MYO3B: variants seen among roughly 807,000 people sequenced by gnomAD.
The protein encoded by MYO3B is myosin IIIB, also known as myosin-IIIb.
In MYO3B, 156 loss-of-function variants were observed where a neutral mutation model predicts 174.6. The observed-to-expected ratio is 0.89, with a 90% confidence interval of 0.78 to 1.02. The LOEUF (loss-of-function observed/expected upper bound fraction) is 1.02, where lower values mean the gene tolerates loss of function less well. Ranked by LOEUF, MYO3B falls within the 50% of genes least tolerant of loss-of-function variation. MYO3B has a pLI of 0.00. For missense variants in MYO3B, 1,632 were observed against 1,639.4 expected (o/e 1.00, Z 0.08); for synonymous variants, 563 against 569.1 (o/e 0.99, Z 0.15).
chr2:170,247,134 C>T (rs916589695), intron 7 of MYO3B, among the ~76,000 whole-genome samples: 2 of 152,168 alleles, frequency 1.3e-5, no homozygotes, highest in African/African-American at 2.4e-5. Flanking sequence ...GGGAGCTCTA[C>T]GTTTCTTCTC....
At chr2:170,467,542 C>T (rs1473577181) in intron 25 of MYO3B, among the ~76,000 whole-genome samples, 1 of 151,774 alleles carries the variant, frequency 6.6e-6, no homozygotes, top group Non-Finnish European at 1.5e-5. Flanking sequence ...AAAAAAAACA[C>T]CCCTGAGAAG....
chr2:170,595,979 T>C (rs12469798), intron 32 of MYO3B, among the ~76,000 whole-genome samples: 46,785 of 152,084 alleles, frequency 0.31, 8,456 homozygotes, highest in East Asian at 0.51. Flanking sequence ...CCAGGTGTTT[T>C]CAACATTTTC....
At chr2:170,216,556 A>T (rs2092830711) in intron 5 of MYO3B, among the ~76,000 whole-genome samples, 1 of 152,220 alleles carries the variant, frequency 6.6e-6, no homozygotes, top group South Asian at 2.1e-4. Flanking sequence ...TGGTTAAAGG[A>T]CATTGGAGTT....
chr2:170,183,487 G>T (rs1297864152), intron 1 of MYO3B, among the ~76,000 whole-genome samples: 3 of 151,802 alleles, frequency 2.0e-5, no homozygotes, highest in African/African-American at 7.3e-5. Flanking sequence ...TTTCTTTCTG[G>T]CTGATTACTT....
intron 32 of MYO3B, among the ~76,000 whole-genome samples, chr2:170,577,104 C>T (rs1339000328): frequency 8.3e-6 from 1 of 120,184 alleles, no homozygotes; most frequent in African/African-American, 2.8e-5. Flanking sequence ...TTCAGTGGAA[C>T]CATTGTTGCA....
At chr2:170,238,360 CTCTT>C (rs756081442) in intron 7 of MYO3B, among the ~76,000 whole-genome samples, 2 of 152,198 alleles carry the variant, frequency 1.3e-5, no homozygotes, top group Non-Finnish European at 2.9e-5. Flanking sequence ...CTGTCTGTCT[CTCTT>C]TCTCTCTCTC....
chr2:170,360,086 C>A (rs929523887), intron 8 of MYO3B, among the ~76,000 whole-genome samples: 2 of 152,108 alleles, frequency 1.3e-5, no homozygotes, highest in African/African-American at 4.8e-5. Flanking sequence ...TAGCCCCAAC[C>A]CCAGTTCTGG....
intron 7 of MYO3B, among the ~76,000 whole-genome samples, chr2:170,291,239 A>T (rs1311354093): frequency 6.6e-6 from 1 of 152,196 alleles, no homozygotes; most frequent in Non-Finnish European, 1.5e-5. Flanking sequence ...AACAACAGTG[A>T]GACTCCATTT....
At chr2:170,516,276 C>A (rs780195576) in intron 29 of MYO3B, among the ~76,000 whole-genome samples, 10 of 152,056 alleles carry the variant, frequency 6.6e-5, no homozygotes, top group Admixed American at 3.9e-4. Context: ...GCAACACCTC[C>A]TAATGGTGTT....
intron 32 of MYO3B, among the ~76,000 whole-genome samples, chr2:170,633,135 TC>T (rs1697161560): frequency 6.6e-6 from 1 of 152,186 alleles, no homozygotes; most frequent in African/African-American, 2.4e-5. Context: ...GCCAGCATCA[TC>T]CTGATACCAA....
chr2:170,453,285 G>A (rs1450489714), intron 23 of MYO3B, among the ~76,000 whole-genome samples: 1 of 152,118 alleles, frequency 6.6e-6, no homozygotes, highest in Non-Finnish European at 1.5e-5. Flanking sequence ...CTCCATTACA[G>A]AAAGACAAAT....
intron 32 of MYO3B, chr2:170,601,851 TG>T (rs752040627): frequency 6.0e-5 from 55 of 922,340 alleles, no homozygotes; most frequent in Non-Finnish European, 9.6e-5. Flanking sequence ...CCAGTTTCTT[TG>T]CAACATCGCT....
rs555173210 is a variant in MYO3B, at chr2:170,608,681, GAGAC to G, written c.3734-42927_3734-42924del. ...ATTCAAGCCCAAAGAGAGAGAGAGA[GAGAC>G]AGACAGACAGACAGACAGAGAGTAT... On this transcript the variant is annotated intron_variant, in intron 32 of 34. Coordinates refer to ENST00000408978, the MANE Select transcript of MYO3B (RefSeq NM_138995.5). Among the ~76,000 whole-genome samples, 1,219 of 152,034 alleles carry G rather than the reference GAGAC, an allele frequency of 8.0e-3. 12 individuals are homozygous for G. The highest frequency in any genetic ancestry group is 0.013 in the Non-Finnish European group (871 of 67,966).
chr2:170,333,959 TAGTA>T (rs1182340688), intron 7 of MYO3B: 1 of 152,178 alleles, frequency 6.6e-6, no homozygotes, highest in African/African-American at 2.4e-5. Context: ...TTCTCTCTCT[TAGTA>T]AGGAAGATTA....
intron 6 of MYO3B, among the ~76,000 whole-genome samples, chr2:170,235,139 C>A (rs924911093): frequency 6.6e-6 from 1 of 152,202 alleles, no homozygotes; most frequent in Non-Finnish European, 1.5e-5. Context: ...GATCATCAGA[C>A]ATTGAAGTCT....
At chr2:170,297,148 A>G (rs527411109) in intron 7 of MYO3B, among the ~76,000 whole-genome samples, 1 of 152,314 alleles carries the variant, frequency 6.6e-6, no homozygotes, top group South Asian at 2.1e-4. Flanking sequence ...CAATTTTTTG[A>G]TCTTCAATAA....
chr2:170,493,662 A>G (rs1016546684), intron 25 of MYO3B, among the ~76,000 whole-genome samples: 2 of 152,224 alleles, frequency 1.3e-5, no homozygotes, highest in South Asian at 4.1e-4. Context: ...AAGAATATAG[A>G]AGAAATGAGC....
intron 28 of MYO3B, among the ~76,000 whole-genome samples, chr2:170,513,897 C>A (rs1191040905): frequency 2.6e-5 from 4 of 152,156 alleles, no homozygotes; most frequent in African/African-American, 9.7e-5. Context: ...TAAAAAATCA[C>A]ATCTGAACAA....
At chr2:170,570,759 G>T (rs1692386435) in intron 32 of MYO3B, among the ~76,000 whole-genome samples, 1 of 145,562 alleles carries the variant, frequency 6.9e-6, no homozygotes, top group Non-Finnish European at 1.5e-5. Flanking sequence ...CCTTGTTTTT[G>T]GATTCTTTAT....
Sources: gnomAD v4.1 joint callset for allele counts (sites outside exome capture counted in the v4.1 genomes callset) on GRCh38, gnomAD v4.1.1 for gene constraint, MANE v1.5 for transcripts, NCBI Gene and HGNC (gene_info 2026-07-23, HGNC 2026-07-21) for gene names.